The following RERE variants were observed in gnomAD, a reference collection of about 807,000 sequenced individuals.
The protein encoded by RERE is arginine-glutamic acid dipeptide repeats protein.
A neutral mutation model predicts 146.1 loss-of-function variants in RERE; 40 were observed. That is an observed-to-expected ratio of 0.27 (90% CI 0.21 to 0.36). The LOEUF (loss-of-function observed/expected upper bound fraction) is 0.36, where lower values mean the gene tolerates loss of function less well. Ranked by LOEUF, RERE falls within the 10% of genes least tolerant of loss-of-function variation. The pLI is 1.00. For missense variants in RERE, 1,933 were observed against 2,138.7 expected (o/e 0.90, Z 1.90); for synonymous variants, 1,003 against 866.0 (o/e 1.16, Z -2.78).
intron 8 of RERE, among the ~76,000 whole-genome samples, chr1:8,506,504 A>T (rs540893659): frequency 6.6e-6 from 1 of 152,364 alleles, no homozygotes; most frequent in South Asian, 2.1e-4. Flanking sequence ...AATGCTCAAA[A>T]TCTAGACAGA....
chr1:8,468,947 A>G (rs1313178272), intron 10 of RERE, among the ~76,000 whole-genome samples: 1 of 152,120 alleles, frequency 6.6e-6, no homozygotes, highest in African/African-American at 2.4e-5. Context: ...GTAAGTAGGA[A>G]AAACTATGGA....
intron 11 of RERE, chr1:8,424,331 A>T (rs1643976404): frequency 6.6e-6 from 1 of 152,096 alleles, no homozygotes; most frequent in South Asian, 2.1e-4. Context: ...GGTCCCTCCC[A>T]CTCCCTGTGT....
Position 8,352,545 on chromosome 1 carries a change from T to C in RERE, c.*2542A>G, listed in dbSNP as rs1158316278. On this transcript the variant is annotated 3_prime_UTR_variant, in exon 23 of 23. Coordinates refer to ENST00000400908, the MANE Select transcript of RERE (RefSeq NM_001042681.2). ...TATCTCATGGCAAACTACTCATATA[T>C]ACATTTAGCTTCAAGATATATAGAA... 6.6e-6 allele frequency: 1 copy of C among 152,448 alleles called. No individual in the cohort carries two copies. The highest frequency in any genetic ancestry group is 1.5e-5 in the Non-Finnish European group (1 of 68,046). The allele number at this position is 152,448 out of a possible 1,614,324, so 9.4% of individuals were successfully genotyped here.
At chr1:8,701,610 A>G (rs1169386457) in intron 1 of RERE, among the ~76,000 whole-genome samples, 1 of 152,178 alleles carries the variant, frequency 6.6e-6, no homozygotes, top group African/African-American at 2.4e-5. Context: ...GGGGAGGGAA[A>G]AAGTGTAATC....
At chr1:8,505,538 G>A (rs577465063) in intron 8 of RERE, among the ~76,000 whole-genome samples, 3 of 152,164 alleles carry the variant, frequency 2.0e-5, no homozygotes, top group South Asian at 4.2e-4. Flanking sequence ...CTAATAAAAA[G>A]GTTAATTTTT....
intron 3 of RERE, among the ~76,000 whole-genome samples, chr1:8,621,271 T>C (rs1341955343): frequency 1.3e-5 from 2 of 151,964 alleles, no homozygotes; most frequent in African/African-American, 4.8e-5. Context: ...AGCAGCAGAG[T>C]AGAGAAGACA....
At chr1:8,592,807 T>C (rs1646511152) in intron 4 of RERE, among the ~76,000 whole-genome samples, 1 of 152,176 alleles carries the variant, frequency 6.6e-6, no homozygotes, top group Admixed American at 6.5e-5. Context: ...AGATAATCCA[T>C]GTTTGTTTAA....
chr1:8,647,221 C>G (rs925558835), intron 2 of RERE, among the ~76,000 whole-genome samples: 3 of 152,202 alleles, frequency 2.0e-5, no homozygotes, highest in Non-Finnish European at 4.4e-5. Flanking sequence ...TACTAACACA[C>G]AGCCACATTG....
At chr1:8,763,996 G>C (rs1337092795) in intron 1 of RERE, among the ~76,000 whole-genome samples, 2 of 151,420 alleles carry the variant, frequency 1.3e-5, no homozygotes, top group Non-Finnish European at 2.9e-5. Context: ...CTAGTTGACT[G>C]TTATTTATTC....
intron 10 of RERE, among the ~76,000 whole-genome samples, chr1:8,489,553 C>G: frequency 6.6e-6 from 1 of 151,692 alleles, no homozygotes; most frequent in Non-Finnish European, 1.5e-5. Context: ...AAAAGATAAA[C>G]AAATGGGCAA....
At chr1:8,549,176 T>C (rs1389384696) in intron 6 of RERE, among the ~76,000 whole-genome samples, 1 of 152,186 alleles carries the variant, frequency 6.6e-6, no homozygotes, top group Admixed American at 6.5e-5. Flanking sequence ...TCTTGGTTTC[T>C]AAACACTGCT....
intron 4 of RERE, among the ~76,000 whole-genome samples, chr1:8,601,012 C>T (rs894010404): frequency 1.7e-5 from 2 of 119,024 alleles, no homozygotes; most frequent in African/African-American, 3.2e-5. Context: ...CCTCGGTCTC[C>T]CAAACTTTTT....
At chr1:8,700,069 G>A (rs780586043) in intron 1 of RERE, among the ~76,000 whole-genome samples, 1 of 152,174 alleles carries the variant, frequency 6.6e-6, no homozygotes, top group Non-Finnish European at 1.5e-5. Flanking sequence ...CACTTTGGGA[G>A]GCCGAGGCGA....
chr1:8,605,153 C>T (rs1392578739), intron 4 of RERE, among the ~76,000 whole-genome samples: 6 of 151,968 alleles, frequency 3.9e-5, no homozygotes, highest in Admixed American at 2.6e-4. Flanking sequence ...TTTTTTTTCC[C>T]GCAAGACGGA....
chr1:8,494,696 G>C (rs1311027335), intron 10 of RERE, among the ~76,000 whole-genome samples: 1 of 152,038 alleles, frequency 6.6e-6, no homozygotes, highest in East Asian at 1.9e-4. Flanking sequence ...GCCAGAGCGA[G>C]ACTCCATCTC....
intron 1 of RERE, among the ~76,000 whole-genome samples, chr1:8,723,290 C>T (rs752575591): frequency 1.3e-5 from 2 of 152,124 alleles, no homozygotes; most frequent in African/African-American, 2.4e-5. Context: ...AGGACTTCTA[C>T]CAAGAAGAGA....
At position 8,498,768 on chromosome 1, in the gene RERE, CAT is replaced by C. The variant is rs1491533496; in HGVS notation, c.880-1241_880-1240del. On this transcript the variant is annotated intron_variant, in intron 8 of 22. Transcript: ENST00000400908. ...ACACACACACACACACACACACACA[CAT>C]ATGTAGTTGAATTGACCTGTGGTAA... Among the ~76,000 whole-genome samples, 940 of 139,220 alleles carry C rather than the reference CAT, an allele frequency of 6.8e-3. 31 individuals carry two copies. The highest frequency in any genetic ancestry group is 0.028 in the African/African-American group (888 of 31,794). 91.3% of individuals were successfully genotyped at this position (139,220 alleles called of 152,430 possible). A position where few individuals can be genotyped will look rare whatever the true frequency, so the allele number is the denominator to read the frequency against.
At chr1:8,405,308 C>T (rs1643406787) in intron 12 of RERE, among the ~76,000 whole-genome samples, 1 of 152,086 alleles carries the variant, frequency 6.6e-6, no homozygotes, top group Admixed American at 6.5e-5. Flanking sequence ...GACAAAGTCA[C>T]TCATTAAGAA....
intron 12 of RERE, among the ~76,000 whole-genome samples, chr1:8,366,960 C>A (rs1056588869): frequency 1.3e-5 from 2 of 149,434 alleles, no homozygotes; most frequent in Non-Finnish European, 3.0e-5. Flanking sequence ...ACAAACACAG[C>A]CAAGTGAGAG....
Sources: allele counts gnomAD v4.1 joint callset (sites outside exome capture counted in the v4.1 genomes callset), GRCh38; gene constraint gnomAD v4.1.1; transcripts MANE v1.5; gene names NCBI Gene and HGNC (gene_info 2026-07-23, HGNC 2026-07-21).